NCS1: variants seen among roughly 807,000 people sequenced by gnomAD.
The protein encoded by NCS1 is neuronal calcium sensor 1.
In NCS1, 6 loss-of-function variants were observed where a neutral mutation model predicts 28.4. That is an observed-to-expected ratio of 0.21 (90% CI 0.12 to 0.42). The LOEUF (loss-of-function observed/expected upper bound fraction) is 0.42. Among genes scored for constraint, NCS1 ranks in the 10% least tolerant of loss-of-function variants. The pLI, the probability that NCS1 is intolerant of heterozygous loss-of-function variation, is 1.00. For missense variants in NCS1, 131 were observed against 241.4 expected (o/e 0.54, Z 3.03); for synonymous variants, 86 against 99.3 (o/e 0.87, Z 0.79).
rs782653588 is a variant in NCS1, at chr9:130,223,168, G to C, written c.474+9G>C. 1.3e-6 allele frequency: 2 copies of C among 1,596,898 alleles called. No homozygotes were observed. Among genetic ancestry groups the C allele is most frequent in the African/African-American group, 1.3e-5 (1 of 74,610 alleles). Reference sequence around the variant, plus strand: ...TTGCCATGATGGATAAGGTGAGGTGGGGGGGCGGGGCTGGTCCTGGACCAG... The same window carrying C: ...TTGCCATGATGGATAAGGTGAGGTGCGGGGGCGGGGCTGGTCCTGGACCAG... On this transcript the variant is annotated intron_variant, in intron 6 of 7. Coordinates refer to ENST00000372398, the MANE Select transcript of NCS1 (RefSeq NM_014286.4).
At chr9:130,210,843 CTT>C (rs3055582) in intron 2 of NCS1, among the ~76,000 whole-genome samples, 10 of 140,936 alleles carry the variant, frequency 7.1e-5, no homozygotes, top group Non-Finnish European at 7.8e-5. Flanking sequence ...TTTTTCTTTT[CTT>C]TTTTTTTTTT....
chr9:130,231,861 G>A (rs1342252739), intron 7 of NCS1, among the ~76,000 whole-genome samples: 1 of 150,388 alleles, frequency 6.6e-6, no homozygotes, highest in Non-Finnish European at 1.5e-5. Context: ...CCTTGCCAAC[G>A]CTTGTTATTT....
At position 130,219,616 on chromosome 9, in the gene NCS1, T is replaced by C; in HGVS notation, c.229-109T>C. The C allele has an allele frequency of 1.0e-6, 1 of 980,108 alleles. No individual in the cohort carries two copies. The highest frequency in any genetic ancestry group is 1.6e-6 in the Non-Finnish European group (1 of 625,824). The allele number at this position is 980,108 out of a possible 1,614,324, so 60.7% of individuals were successfully genotyped here. ...CTGCCCTCTCCACCTGAGTGTCCAT[T>C]GGCCACAGTGTCTGGAGCCTGCGAC... On this transcript the variant is annotated intron_variant, in intron 3 of 7. Coordinates refer to ENST00000372398, the MANE Select transcript of NCS1 (RefSeq NM_014286.4). This position sits in a 1 kb window ranked among gnomAD's most constrained non-coding sequence, Gnocchi z 5.7.
intron 1 of NCS1, 56 bp downstream of exon 1, chr9:130,172,783 C>T: frequency 1.1e-6 from 1 of 943,950 alleles, no homozygotes; most frequent in East Asian, 4.1e-5. Flanking sequence ...ACCCACCGCC[C>T]CCGCCCCCGC....
In NCS1 at chr9:130,226,558, C is replaced by A. The variant is rs1833419579; in HGVS notation, c.*17+54C>A. ...GTCTGGGATGGGTCAGGGGTGAAAA[C>A]CCAGCAGCAGGACACCTACGGTTGG... is the stretch of plus-strand genomic sequence containing the variant. On this transcript the variant is annotated intron_variant, in intron 7 of 7. Transcript: ENST00000372398. This position sits in a 1 kb window ranked among gnomAD's most constrained non-coding sequence, Gnocchi z 4.8. The A allele has an allele frequency of 3.7e-6, 5 of 1,347,328 alleles. No individual in the cohort carries two copies. In the African/African-American group the frequency reaches 7.2e-5, roughly 20 times the overall value. 83.5% of individuals were successfully genotyped at this position (1,347,328 alleles called of 1,614,324 possible).
chr9:130,194,692 G>A (rs1832857333), intron 1 of NCS1, among the ~76,000 whole-genome samples: 1 of 152,170 alleles, frequency 6.6e-6, no homozygotes, highest in African/African-American at 2.4e-5. Flanking sequence ...GGCCCTGACA[G>A]GATGGCACCC....
chr9:130,198,258 G>A (rs1396748446), intron 1 of NCS1, among the ~76,000 whole-genome samples: 2 of 152,178 alleles, frequency 1.3e-5, no homozygotes, highest in Admixed American at 6.5e-5. Context: ...GTAGTTGGGG[G>A]TGAGGAAGGA....
intron 2 of NCS1, among the ~76,000 whole-genome samples, chr9:130,205,592 A>G (rs1417734866): frequency 1.3e-5 from 2 of 151,072 alleles, no homozygotes; most frequent in African/African-American, 4.9e-5. Flanking sequence ...AATCCCAGCA[A>G]TTTGGGAGGC....
At chr9:130,213,613 C>T (rs1438999430) in intron 2 of NCS1, among the ~76,000 whole-genome samples, 11 of 127,406 alleles carry the variant, frequency 8.6e-5, no homozygotes, top group African/African-American at 3.3e-4. Context: ...TGAGATGGAG[C>T]CTCACTTTAT....
At chr9:130,174,459 A>C (rs1180222983) in intron 1 of NCS1, among the ~76,000 whole-genome samples, 4 of 152,244 alleles carry the variant, frequency 2.6e-5, no homozygotes, top group African/African-American at 7.2e-5. Context: ...ATGATCCCAC[A>C]GCTAGTGACC....
At chr9:130,221,409 T>TAG (rs1459781990) in intron 4 of NCS1, among the ~76,000 whole-genome samples, 5 of 46,100 alleles carry the variant, frequency 1.1e-4, no homozygotes, top group Non-Finnish European at 1.5e-4. Flanking sequence ...TATATATATA[T>TAG]ATATAGAGAG....
chr9:130,196,453 C>A (rs1554906839), intron 1 of NCS1, among the ~76,000 whole-genome samples: 1 of 152,176 alleles, frequency 6.6e-6, no homozygotes, highest in African/African-American at 2.4e-5. Context: ...GAGCATATCT[C>A]CAAAGCTGGG....
chr9:130,224,418 CATG>C (rs1293862763), intron 6 of NCS1, among the ~76,000 whole-genome samples: 2 of 145,176 alleles, frequency 1.4e-5, no homozygotes, highest in African/African-American at 2.6e-5. Flanking sequence ...ATTATCCAGG[CATG>C]ATGGCACATG....
chr9:130,182,319 C>G, intron 1 of NCS1, among the ~76,000 whole-genome samples: 1 of 152,180 alleles, frequency 6.6e-6, no homozygotes, highest in Non-Finnish European at 1.5e-5. Context: ...CTCCCACCGT[C>G]TCTGTGAGCC....
In NCS1 at chr9:130,235,978, A is replaced by G. The variant is rs1833585338; in HGVS notation, c.*3006A>G. 1 of 152,266 alleles carries G rather than the reference A, an allele frequency of 6.6e-6. No homozygotes were observed. Among genetic ancestry groups the G allele is most frequent in the African/African-American group, 2.4e-5 (1 of 41,446 alleles). The allele number at this position is 152,266 out of a possible 1,614,324, so 9.4% of individuals were successfully genotyped here. On this transcript the variant is annotated 3_prime_UTR_variant, in exon 8 of 8. Coordinates refer to ENST00000372398, the MANE Select transcript of NCS1 (RefSeq NM_014286.4). ...AGCGTCTGCTCCTCACTTTGTGTTG[A>G]TGGTGACTTAGGAGAATGTTCCGAT...
intron 2 of NCS1, among the ~76,000 whole-genome samples, chr9:130,213,440 G>A (rs558114456): frequency 1.3e-5 from 2 of 150,626 alleles, no homozygotes; most frequent in Non-Finnish European, 2.9e-5. Context: ...CACCACGCCC[G>A]GCTAATTTTT....
rs3850588 is a variant in NCS1 at position 130,186,045 on chromosome 9, T to C, written c.64+13318T>C. Among the ~76,000 whole-genome samples, 143,418 of 152,290 alleles carry C rather than the reference T, an allele frequency of 0.94. 67,747 individuals carry two copies. The highest frequency in any genetic ancestry group is 1 in the East Asian group (5,177 of 5,178). ...TAGGTGCATCTCAAGGAAGGAGGCA[T>C]GGCCAGCAGGGAGCAGAGGGGAGGC... On this transcript the variant is annotated intron_variant, in intron 1 of 7. Transcript: ENST00000372398. This position sits in a 1 kb window ranked among gnomAD's most constrained non-coding sequence, Gnocchi z 4.1.
chr9:130,183,056 C>T (rs115574357), intron 1 of NCS1, among the ~76,000 whole-genome samples: 72 of 152,262 alleles, frequency 4.7e-4, no homozygotes, highest in African/African-American at 1.6e-3. Flanking sequence ...GGGATCTTTC[C>T]GAAGAGTTTT....
intron 1 of NCS1, among the ~76,000 whole-genome samples, chr9:130,178,990 G>A (rs569207712): frequency 7.7e-4 from 110 of 142,560 alleles, no homozygotes; most frequent in Admixed American, 3.4e-3. Context: ...GCTGGAGTAC[G>A]GTGGCACGAT....
Sources: allele counts gnomAD v4.1 joint callset (sites outside exome capture counted in the v4.1 genomes callset), GRCh38; gene constraint gnomAD v4.1.1; non-coding constraint Gnocchi (gnomAD v3.1); transcripts MANE v1.5; gene names NCBI Gene and HGNC (gene_info 2026-07-23, HGNC 2026-07-21).